COG5: variants seen among roughly 807,000 people sequenced by gnomAD.
COG5 encodes the protein component of oligomeric golgi complex 5.
In COG5, 86 loss-of-function variants were observed where a neutral mutation model predicts 110.4. The observed-to-expected ratio is 0.78, with a 90% CI of 0.65 to 0.93. The LOEUF (loss-of-function observed/expected upper bound fraction) is 0.93. Among genes scored for constraint, COG5 ranks in the 40% least tolerant of loss-of-function variants. COG5 has a pLI of 0.00. For synonymous variants in COG5, 360 were observed against 334.6 expected (o/e 1.08, Z -0.83); for missense variants, 1,077 against 987.0 (o/e 1.09, Z -1.22).
intron 6 of COG5, among the ~76,000 whole-genome samples, chr7:107,492,376 T>C (rs1159003916): frequency 6.6e-6 from 1 of 152,088 alleles, no homozygotes; most frequent in Non-Finnish European, 1.5e-5. Flanking sequence ...CCTAGAGGCT[T>C]AAAAAGCACA....
chr7:107,502,542 T>A (rs1177554142), intron 6 of COG5, among the ~76,000 whole-genome samples: 1 of 152,122 alleles, frequency 6.6e-6, no homozygotes. Context: ...TACCCAGTAG[T>A]GGGATTGCTG....
At chr7:107,251,128 C>A (rs1802470394) in intron 16 of COG5, among the ~76,000 whole-genome samples, 1 of 99,374 alleles carries the variant, frequency 1.0e-5, no homozygotes, top group South Asian at 2.8e-4. Context: ...AATCTTGAAA[C>A]TAGCCAAAAA....
intron 19 of COG5, among the ~76,000 whole-genome samples, chr7:107,212,113 A>G (rs1021950695): frequency 2.0e-5 from 3 of 152,228 alleles, no homozygotes; most frequent in Non-Finnish European, 4.4e-5. Flanking sequence ...TACTAATGAT[A>G]AGGTCAAGAG....
chr7:107,259,841 A>C (rs995917239), intron 14 of COG5, among the ~76,000 whole-genome samples: 22 of 152,060 alleles, frequency 1.4e-4, no homozygotes, highest in Admixed American at 1.1e-3. Context: ...TTTATTATTG[A>C]GGACTGATCA....
At chr7:107,342,612 A>G (rs992922173) in intron 10 of COG5, among the ~76,000 whole-genome samples, 1 of 152,080 alleles carries the variant, frequency 6.6e-6, no homozygotes, top group Non-Finnish European at 1.5e-5. Context: ...TGGGAAGTAC[A>G]GATTGCAGTA....
chr7:107,547,703 C>A (rs1045527772), intron 5 of COG5, among the ~76,000 whole-genome samples: 1 of 151,736 alleles, frequency 6.6e-6, no homozygotes, highest in Non-Finnish European at 1.5e-5. Flanking sequence ...AATTAACATA[C>A]AAAAATCAGT....
intron 7 of COG5, among the ~76,000 whole-genome samples, chr7:107,382,728 C>T (rs1164821126): frequency 6.6e-6 from 1 of 152,212 alleles, no homozygotes; most frequent in Non-Finnish European, 1.5e-5. Context: ...CATGAGCCAC[C>T]GCACCCAGCC....
At chr7:107,541,572 A>C (rs2129168860) in intron 5 of COG5, among the ~76,000 whole-genome samples, 1 of 145,104 alleles carries the variant, frequency 6.9e-6, no homozygotes, top group South Asian at 2.1e-4. Context: ...ATTTATATAA[A>C]TGAAATTGAA....
Position 107,329,395 on chromosome 7 carries a change from T to C in COG5, c.1027-4874A>G, listed in dbSNP as rs560085135. 2.0e-5 allele frequency among the ~76,000 whole-genome samples: 3 copies of C among 152,212 alleles called. No individual in the cohort carries two copies. In the South Asian group the frequency reaches 6.2e-4, roughly 32 times the overall value. ...ATAAAAAGGTGGATTTGGGGTAAGA[T>C]AGTATGTTAAAGCAATGATTTTCTA... is the stretch of plus-strand genomic sequence containing the variant. On this transcript the variant is annotated intron_variant, in intron 10 of 21. Transcript: ENST00000297135.
At chr7:107,244,033 G>A (rs1274847279) in intron 17 of COG5, among the ~76,000 whole-genome samples, 1 of 151,908 alleles carries the variant, frequency 6.6e-6, no homozygotes, top group Non-Finnish European at 1.5e-5. Context: ...GATCCCTTGA[G>A]GTTAGGAGTT....
At chr7:107,503,518 T>C (rs1285089884) in intron 6 of COG5, among the ~76,000 whole-genome samples, 2 of 152,168 alleles carry the variant, frequency 1.3e-5, no homozygotes, top group East Asian at 3.9e-4. Context: ...TTTAGGATTT[T>C]TTTTCCCATT....
intron 6 of COG5, among the ~76,000 whole-genome samples, chr7:107,436,190 A>G (rs1467034211): frequency 1.3e-5 from 2 of 152,202 alleles, no homozygotes; most frequent in Admixed American, 1.3e-4. Flanking sequence ...ACAGTAGCCA[A>G]GACACTGAAG....
chr7:107,463,250 C>G (rs1281508593), intron 6 of COG5, among the ~76,000 whole-genome samples: 3 of 152,264 alleles, frequency 2.0e-5, no homozygotes, highest in Non-Finnish European at 1.5e-5. Flanking sequence ...GCCAGGTCAG[C>G]TGCATCCCTT....
At chr7:107,442,564 C>G (rs1280681805) in intron 6 of COG5, among the ~76,000 whole-genome samples, 1 of 150,608 alleles carries the variant, frequency 6.6e-6, no homozygotes, top group Non-Finnish European at 1.5e-5. Flanking sequence ...TGTTCCCTCC[C>G]TACTTTCACA....
At chr7:107,559,314 T>C (rs546651735) in intron 1 of COG5, among the ~76,000 whole-genome samples, 203 of 152,194 alleles carry the variant, frequency 1.3e-3, no homozygotes, top group Non-Finnish European at 2.1e-3. Flanking sequence ...AAGCTAAAAA[T>C]AGATACCCAG....
intron 19 of COG5, among the ~76,000 whole-genome samples, chr7:107,225,040 GTGTA>G (rs1800224501): frequency 6.6e-6 from 1 of 152,240 alleles, no homozygotes; most frequent in Non-Finnish European, 1.5e-5. Context: ...GCCTGTGTGT[GTGTA>G]TGTATGAGGG....
At chr7:107,383,886 A>G (rs947197510) in intron 7 of COG5, among the ~76,000 whole-genome samples, 3 of 152,132 alleles carry the variant, frequency 2.0e-5, no homozygotes, top group Non-Finnish European at 4.4e-5. Context: ...TCCAAACTGC[A>G]AAGAATTTCT....
At chr7:107,408,847 T>C (rs1412242752) in intron 7 of COG5, among the ~76,000 whole-genome samples, 1 of 152,080 alleles carries the variant, frequency 6.6e-6, no homozygotes, top group Non-Finnish European at 1.5e-5. Context: ...GAGGTAGCAA[T>C]ATGTGCCCAA....
At chr7:107,539,145 G>A (rs1801800318) in intron 5 of COG5, among the ~76,000 whole-genome samples, 1 of 152,036 alleles carries the variant, frequency 6.6e-6, no homozygotes, top group Non-Finnish European at 1.5e-5. Context: ...AAAATTAGCT[G>A]GGCATGGTGG....
Sources: gnomAD v4.1 joint callset for allele counts (sites outside exome capture counted in the v4.1 genomes callset) on GRCh38, gnomAD v4.1.1 for gene constraint, MANE v1.5 for transcripts, NCBI Gene and HGNC (gene_info 2026-07-23, HGNC 2026-07-21) for gene names.